PAPSS1: variants seen among roughly 807,000 people sequenced by gnomAD.
PAPSS1 encodes the protein 3'-phosphoadenosine 5'-phosphosulfate synthase 1, also known as bifunctional 3'-phosphoadenosine 5'-phosphosulfate synthase 1.
A neutral mutation model predicts 72.0 loss-of-function variants in PAPSS1; 50 were observed. That is an observed-to-expected ratio of 0.69 (90% CI 0.55 to 0.88). The LOEUF is 0.88. Ranked by LOEUF, PAPSS1 falls within the 40% of genes least tolerant of loss-of-function variation. The probability of loss-of-function intolerance (pLI) is 0.00; values close to 1 mark genes in which losing one functional copy is unlikely to be tolerated. For missense variants in PAPSS1, 657 were observed against 782.2 expected (o/e 0.84, Z 1.91); for synonymous variants, 261 against 263.6 (o/e 0.99, Z 0.09).
chr4:107,693,712 C>T, intron 3 of PAPSS1, 59 bp downstream of exon 3: 2 of 1,213,632 alleles, frequency 1.6e-6, no homozygotes, highest in Non-Finnish European at 2.4e-6. Flanking sequence ...ATGTGCTTTG[C>T]CTGATACCAT....
intron 5 of PAPSS1, among the ~76,000 whole-genome samples, chr4:107,666,469 G>C (rs185334281): frequency 1.8e-3 from 271 of 152,242 alleles, no homozygotes; most frequent in Non-Finnish European, 2.9e-3. Flanking sequence ...AAGAAATGCA[G>C]TCTTTATATG....
chr4:107,631,552 T>C, intron 11 of PAPSS1, 79 bp downstream of exon 11: 1 of 990,254 alleles, frequency 1.0e-6, no homozygotes, highest in East Asian at 2.4e-5. Context: ...TCAGTAAAGA[T>C]TAGACAATAA....
chr4:107,659,284 T>G (rs1308505618), intron 6 of PAPSS1, among the ~76,000 whole-genome samples: 1 of 152,230 alleles, frequency 6.6e-6, no homozygotes, highest in African/African-American at 2.4e-5. Flanking sequence ...TTTTGTTTTG[T>G]TTTCCTTTCT....
Position 107,621,608 on chromosome 4 carries a change from C to CTTTTTTTTTTTTTTTTTTTTTTTTTTTT in PAPSS1, c.1737-7249_1737-7222dup, listed in dbSNP as rs10670438. On this transcript the variant is annotated intron_variant, in intron 11 of 11. Transcript: ENST00000265174. ...CTTTCTAGGAAGACAGGTTTTTTAT[C>CTTTTTTTTTTTTTTTTTTTTTTTTTTTT]TTTTTTTTTTTTTTTTTTTTTTTTT... is the stretch of plus-strand genomic sequence containing the variant. Among the ~76,000 whole-genome samples, 6 of 48,154 alleles carry CTTTTTTTTTTTTTTTTTTTTTTTTTTTT rather than the reference C, an allele frequency of 1.2e-4. 3 individuals carry two copies. Among genetic ancestry groups the CTTTTTTTTTTTTTTTTTTTTTTTTTTTT allele is most frequent in the Non-Finnish European group, 2.3e-4 (6 of 25,740 alleles). The allele number at this position is 48,154 out of a possible 152,430, so 31.6% of individuals were successfully genotyped here.
intron 10 of PAPSS1, among the ~76,000 whole-genome samples, chr4:107,635,747 T>C (rs928552547): frequency 2.0e-5 from 3 of 152,126 alleles, no homozygotes; most frequent in African/African-American, 7.2e-5. Flanking sequence ...GGTAATAGCC[T>C]TACAGAAAGA....
At chr4:107,702,482 T>A (rs1245160155) in intron 1 of PAPSS1, among the ~76,000 whole-genome samples, 1 of 152,144 alleles carries the variant, frequency 6.6e-6, no homozygotes, top group Non-Finnish European at 1.5e-5. Context: ...TTGACCAACA[T>A]CTCCTCCAAC....
chr4:107,614,614 G>C (rs1560560097), intron 11 of PAPSS1, among the ~76,000 whole-genome samples: 1 of 151,924 alleles, frequency 6.6e-6, no homozygotes, highest in Non-Finnish European at 1.5e-5. Flanking sequence ...AATTTTTATT[G>C]AGACCATTGT....
chr4:107,620,885 G>A (rs1243312219), intron 11 of PAPSS1, among the ~76,000 whole-genome samples: 1 of 152,180 alleles, frequency 6.6e-6, no homozygotes, highest in Non-Finnish European at 1.5e-5. Flanking sequence ...AAAAAGAAAA[G>A]CAGGTAACAG....
intron 5 of PAPSS1, among the ~76,000 whole-genome samples, chr4:107,681,660 A>T (rs7660060): frequency 0.92 from 139,424 of 152,204 alleles, 63,959 homozygotes; most frequent in South Asian, 0.97. Flanking sequence ...AAAAGTTAAC[A>T]ACTTTGTATA....
At chr4:107,646,139 T>G (rs1452391333) in intron 9 of PAPSS1, among the ~76,000 whole-genome samples, 1 of 152,112 alleles carries the variant, frequency 6.6e-6, no homozygotes, top group East Asian at 1.9e-4. Flanking sequence ...AGAAAAGTCT[T>G]GATATACAAG....
intron 5 of PAPSS1, among the ~76,000 whole-genome samples, chr4:107,672,021 T>C (rs752178622): frequency 2.5e-4 from 38 of 151,916 alleles, no homozygotes; most frequent in Non-Finnish European, 4.6e-4. Context: ...CAAACAAAAC[T>C]ACAATCAAAA....
intron 3 of PAPSS1, among the ~76,000 whole-genome samples, chr4:107,692,434 G>A (rs561989080): frequency 8.9e-4 from 136 of 152,274 alleles, no homozygotes; most frequent in African/African-American, 3.2e-3. Flanking sequence ...ACCACAATGA[G>A]ATACCATCTC....
At chr4:107,640,709 T>C (rs1726515875) in intron 10 of PAPSS1, among the ~76,000 whole-genome samples, 1 of 152,200 alleles carries the variant, frequency 6.6e-6, no homozygotes, top group South Asian at 2.1e-4. Flanking sequence ...ATTAAAACAC[T>C]TCATGGTCTG....
intron 11 of PAPSS1, among the ~76,000 whole-genome samples, chr4:107,615,649 A>T (rs1421632677): frequency 1.3e-5 from 2 of 152,216 alleles, no homozygotes; most frequent in African/African-American, 4.8e-5. Context: ...CCTGAGTCGA[A>T]TATTACATAG....
At chr4:107,669,174 GA>G (rs1234778847) in intron 5 of PAPSS1, among the ~76,000 whole-genome samples, 1 of 152,190 alleles carries the variant, frequency 6.6e-6, no homozygotes, top group African/African-American at 2.4e-5. Flanking sequence ...AGTTTGATAT[GA>G]AAAGTACACA....
intron 1 of PAPSS1, among the ~76,000 whole-genome samples, chr4:107,705,694 C>T (rs2522428): frequency 0.79 from 120,551 of 152,156 alleles, 51,030 homozygotes; most frequent in South Asian, 0.95. Flanking sequence ...ACATTCATAC[C>T]GGAGATATAA....
In PAPSS1 at chr4:107,645,007, T is replaced by A. The variant is rs1726654801; in HGVS notation, c.1301A>T (p.Asp434Val). ...CCTCTCTAGAAGTTGCTTATGGGTA[T>A]CCTGCATTAACAGGGCATGTCCATT... ...VHNGHALLMQ[D>V]THKQLLERGY... Residue 434 changes from aspartate (D) to valine (V), a missense_variant, in exon 10 of 12, where the codon GAT (aspartate) becomes GTT (valine). Coordinates refer to ENST00000265174, the MANE Select transcript of PAPSS1 (RefSeq NM_005443.5). The A allele has an allele frequency of 6.2e-7, 1 of 1,610,972 alleles. No individual in the cohort carries two copies. Among genetic ancestry groups the A allele is most frequent in the Non-Finnish European group, 8.5e-7 (1 of 1,178,280 alleles).
chr4:107,619,752 C>T (rs1725909839), intron 11 of PAPSS1, among the ~76,000 whole-genome samples: 1 of 152,134 alleles, frequency 6.6e-6, no homozygotes, highest in Admixed American at 6.5e-5. Flanking sequence ...TTCTATGGCA[C>T]TGGAAAAAGA....
chr4:107,642,806 C>T (rs1266487650), intron 10 of PAPSS1, among the ~76,000 whole-genome samples: 1 of 152,144 alleles, frequency 6.6e-6, no homozygotes, highest in African/African-American at 2.4e-5. Flanking sequence ...GAAAAGGACA[C>T]TCAAGTACTG....
Sources: gnomAD v4.1 joint callset for allele counts (sites outside exome capture counted in the v4.1 genomes callset) on GRCh38, gnomAD v4.1.1 for gene constraint, MANE v1.5 for transcripts, NCBI Gene and HGNC (gene_info 2026-07-23, HGNC 2026-07-21) for gene names.